CA10: variants seen among roughly 807,000 people sequenced by gnomAD.
The protein encoded by CA10 is carbonic anhydrase 10 (inactive), also known as carbonic anhydrase-related protein 10.
In CA10, 14 loss-of-function variants were observed where a neutral mutation model predicts 44.2. That is an observed-to-expected ratio of 0.32 (90% CI 0.21 to 0.50). The LOEUF (loss-of-function observed/expected upper bound fraction) is 0.50, where lower values mean the gene tolerates loss of function less well. CA10 is among the 20% of genes least tolerant of loss of function. The pLI, the probability that CA10 is intolerant of heterozygous loss-of-function variation, is 0.99. For missense variants in CA10, 350 were observed against 409.7 expected, an observed-to-expected ratio of 0.85 and a Z score of 1.26; for synonymous variants, 159 against 141.6, an observed-to-expected ratio of 1.12 and a Z score of -0.87.
At chr17:52,063,129 TC>T (rs1430699262) in intron 2 of CA10, among the ~76,000 whole-genome samples, 1 of 152,232 alleles carries the variant, frequency 6.6e-6, no homozygotes, top group Non-Finnish European at 1.5e-5. Context: ...GTTTTAGACT[TC>T]CATGAAGACT....
intron 2 of CA10, among the ~76,000 whole-genome samples, chr17:52,035,347 C>T (rs889573096): frequency 6.4e-5 from 8 of 125,858 alleles, no homozygotes; most frequent in African/African-American, 2.0e-4. Context: ...AGATTACCTA[C>T]CCTCTCATCC....
chr17:52,075,732 C>T (rs567189620), intron 1 of CA10, among the ~76,000 whole-genome samples: 1 of 152,182 alleles, frequency 6.6e-6, no homozygotes, highest in African/African-American at 2.4e-5. Flanking sequence ...CGGTGACATC[C>T]CTATTGACAG....
chr17:51,952,716 T>C lies in CA10; in HGVS notation c.137-21584A>G, dbSNP rs530445525. Among the ~76,000 whole-genome samples, 3 of 152,264 alleles carry C rather than the reference T, an allele frequency of 2.0e-5. No individual in the cohort carries two copies. In the South Asian group the frequency reaches 6.2e-4, roughly 32 times the overall value. On this transcript the variant is annotated intron_variant, in intron 2 of 8. Transcript: ENST00000451037. ...TAGTGATAAATAGAAAGGGAAAATG[T>C]CTTATCCAGGGTTACCTGTCAGCAA...
intron 4 of CA10, among the ~76,000 whole-genome samples, chr17:51,682,773 C>T (rs993103193): frequency 1.3e-5 from 2 of 149,722 alleles, no homozygotes; most frequent in Non-Finnish European, 3.0e-5. Flanking sequence ...AATGGAAAGA[C>T]GGAACACGCC....
chr17:51,891,538 C>T (rs1316838075), intron 3 of CA10, among the ~76,000 whole-genome samples: 2 of 152,180 alleles, frequency 1.3e-5, no homozygotes, highest in East Asian at 3.8e-4. Flanking sequence ...GACTCTAGAG[C>T]ATCTTCAAGA....
At chr17:51,878,651 T>C (rs1239555485) in intron 3 of CA10, among the ~76,000 whole-genome samples, 1 of 151,676 alleles carries the variant, frequency 6.6e-6, no homozygotes, top group Non-Finnish European at 1.5e-5. Context: ...TCTTCTGTGA[T>C]CCAGGTATTC....
intron 3 of CA10, among the ~76,000 whole-genome samples, chr17:51,767,751 C>T (rs1905443423): frequency 6.6e-6 from 1 of 150,636 alleles, no homozygotes; most frequent in South Asian, 2.1e-4. Flanking sequence ...ACTAGATGGT[C>T]CCATCTGGGG....
At chr17:52,122,985 T>G (rs1411763366) in intron 1 of CA10, among the ~76,000 whole-genome samples, 1 of 152,146 alleles carries the variant, frequency 6.6e-6, no homozygotes, top group African/African-American at 2.4e-5. Context: ...ATGAATGAAT[T>G]TATGCATAAA....
chr17:51,866,362 C>T (rs186933799), intron 3 of CA10, among the ~76,000 whole-genome samples: 2 of 152,328 alleles, frequency 1.3e-5, no homozygotes, highest in East Asian at 1.9e-4. Flanking sequence ...ATGCCCTCTG[C>T]ACTCCCCCTA....
chr17:52,062,456 C>T lies in CA10; in HGVS notation c.136+9863G>A, dbSNP rs1327680119. On this transcript the variant is annotated intron_variant, in intron 2 of 8. Transcript: ENST00000451037. ...AAAATGGATAAAAGGGAGTCAGGTG[C>T]AAAGAGTCAAAAAAATTGGAAAAAG... Among the ~76,000 whole-genome samples, 3 of 152,082 alleles carry T rather than the reference C, an allele frequency of 2.0e-5. No homozygotes were observed. The East Asian group carries it at 5.8e-4, about 29-fold the overall frequency.
Position 52,069,868 on chromosome 17 carries a change from G to A in CA10, c.136+2451C>T, listed in dbSNP as rs189744256. Among the ~76,000 whole-genome samples, 373 of 152,158 alleles carry A rather than the reference G, an allele frequency of 2.5e-3. 5 individuals carry two copies. Among genetic ancestry groups the A allele is most frequent in the East Asian group, 2.7e-3 (14 of 5,180 alleles). On this transcript the variant is annotated intron_variant, in intron 2 of 8. Transcript: ENST00000451037. ...CACTTCAGTGAGGAACTTATGGGAC[G>A]ATAAAACTAGTTCAGTCATATCAAG... is the stretch of plus-strand genomic sequence containing the variant.
At chr17:51,776,237 C>G (rs148540132) in intron 3 of CA10, among the ~76,000 whole-genome samples, 1 of 152,136 alleles carries the variant, frequency 6.6e-6, no homozygotes, top group African/African-American at 2.4e-5. Flanking sequence ...GGTGCATGAG[C>G]CTGACCTGGT....
At chr17:51,930,703 G>T (rs1265262486) in intron 3 of CA10, among the ~76,000 whole-genome samples, 5 of 152,066 alleles carry the variant, frequency 3.3e-5, no homozygotes, top group Admixed American at 3.3e-4. Context: ...GATAGGCAGG[G>T]GTGGCCACTA....
chr17:52,090,391 A>C (rs1365819106), intron 1 of CA10, among the ~76,000 whole-genome samples: 1 of 150,198 alleles, frequency 6.7e-6, no homozygotes, highest in Non-Finnish European at 1.5e-5. Flanking sequence ...AACTAATATG[A>C]TGAGGTATTG....
chr17:51,720,713 T>C (rs937025778), intron 4 of CA10, among the ~76,000 whole-genome samples: 1 of 152,084 alleles, frequency 6.6e-6, no homozygotes, highest in Non-Finnish European at 1.5e-5. Context: ...ATCTAAAAAG[T>C]CAGTGTCATA....
chr17:51,684,807 C>G (rs187485261), intron 4 of CA10, among the ~76,000 whole-genome samples: 1 of 152,168 alleles, frequency 6.6e-6, no homozygotes, highest in South Asian at 2.1e-4. Context: ...TTATATCTCA[C>G]TCCTCCAAAG....
intron 3 of CA10, among the ~76,000 whole-genome samples, chr17:51,809,029 A>G (rs1269483515): frequency 6.6e-6 from 1 of 152,172 alleles, no homozygotes; most frequent in Non-Finnish European, 1.5e-5. Context: ...TAAATCAGTA[A>G]ACTGAAGTTT....
chr17:51,792,317 G>T (rs1320191603), intron 3 of CA10, among the ~76,000 whole-genome samples: 2 of 152,158 alleles, frequency 1.3e-5, no homozygotes, highest in Non-Finnish European at 2.9e-5. Flanking sequence ...TTTTGCACAA[G>T]ACAGAGGCTC....
At position 51,654,848 on chromosome 17, in the gene CA10, G is replaced by A. The variant is rs1253935173; in HGVS notation, c.466-1112C>T. Among the ~76,000 whole-genome samples, 9 of 150,214 alleles carry A rather than the reference G, an allele frequency of 6.0e-5. No homozygotes were observed. In the South Asian group the frequency reaches 6.2e-4, roughly 10 times the overall value. On this transcript the variant is annotated intron_variant, in intron 4 of 8. Coordinates refer to ENST00000451037, the MANE Select transcript of CA10 (RefSeq NM_020178.5). ...TGGGATTACAGGTGTGAGCCACTGC[G>A]CCCGGCCAGAAGCATAATTTTTTAA...
Sources: gnomAD v4.1 joint callset for allele counts (sites outside exome capture counted in the v4.1 genomes callset) on GRCh38, gnomAD v4.1.1 for gene constraint, MANE v1.5 for transcripts, NCBI Gene and HGNC (gene_info 2026-07-23, HGNC 2026-07-21) for gene names.